CDH12: variants seen among roughly 807,000 people sequenced by gnomAD.
CDH12 encodes the protein cadherin 12, also known as cadherin-12.
CDH12 carries 41 observed loss-of-function variants against 74.1 expected under a neutral mutation model. The observed-to-expected ratio is 0.55, with a 90% CI of 0.43 to 0.72. CDH12 has a LOEUF of 0.72. CDH12 is among the 30% of genes least tolerant of loss of function. The pLI is 0.00. For synonymous variants in CDH12, 399 were observed against 355.0 expected (o/e 1.12, Z -1.39); for missense variants, 945 against 977.2 (o/e 0.97, Z 0.44).
chr5:21,786,311 G>A (rs1340515602), intron 10 of CDH12, among the ~76,000 whole-genome samples: 2 of 151,984 alleles, frequency 1.3e-5, no homozygotes, highest in Non-Finnish European at 2.9e-5. Flanking sequence ...ATGCCACTAC[G>A]CCTGGCTAAT....
chr5:22,216,737 G>A (rs373672084), intron 3 of CDH12, among the ~76,000 whole-genome samples: 2 of 151,812 alleles, frequency 1.3e-5, no homozygotes, highest in Non-Finnish European at 2.9e-5. Flanking sequence ...CCGGTTTCAC[G>A]CACATATACT....
intron 4 of CDH12, among the ~76,000 whole-genome samples, chr5:22,167,207 G>GA (rs1407223734): frequency 3.3e-5 from 5 of 152,148 alleles, no homozygotes; most frequent in Admixed American, 1.3e-4. Context: ...TGTGGTTTGT[G>GA]AAACACTGTG....
Position 22,074,817 on chromosome 5 carries a change from C to A in CDH12, c.231+3629G>T, listed in dbSNP as rs547467881. Reference sequence around the variant, plus strand: ...TTAAAAAGTCAGGAAACAACAGGTGCTAGAGATGATGTGGAGAAATAGGAA... The same window carrying A: ...TTAAAAAGTCAGGAAACAACAGGTGATAGAGATGATGTGGAGAAATAGGAA... On this transcript the variant is annotated intron_variant, in intron 5 of 14. Coordinates refer to ENST00000382254, the MANE Select transcript of CDH12 (RefSeq NM_004061.5). 6.0e-3 allele frequency among the ~76,000 whole-genome samples: 911 copies of A among 152,166 alleles called. 6 individuals are homozygous for A. The highest frequency in any genetic ancestry group is 0.02 in the African/African-American group (846 of 41,522).
rs142785534 is a variant in CDH12, at chr5:21,907,203, G to A, written c.527-52413C>T. On this transcript the variant is annotated intron_variant, in intron 6 of 14. Coordinates refer to ENST00000382254, the MANE Select transcript of CDH12 (RefSeq NM_004061.5). ...CTGCTGCCAATTAGAACATCGTAAC[G>A]GGAAAGAGGGGTTTAAAAAATACGC... is the stretch of plus-strand genomic sequence containing the variant. Among the ~76,000 whole-genome samples the A allele has an allele frequency of 9.4e-3, 1,428 of 152,248 alleles. 15 individuals are homozygous for A. The highest frequency in any genetic ancestry group is 0.015 in the Non-Finnish European group (1,002 of 68,024).
chr5:22,853,127 C>T lies in CDH12; in HGVS notation c.-592G>A, dbSNP rs901606253. On this transcript the variant is annotated 5_prime_UTR_variant, in exon 1 of 15. Transcript: ENST00000382254. Reference sequence around the variant, plus strand: ...CGCAGCAGGGTGCCAACAGCTCAGCCTTGCGCGGAAGGTGAGACCCTTCTC... The same window carrying T: ...CGCAGCAGGGTGCCAACAGCTCAGCTTTGCGCGGAAGGTGAGACCCTTCTC... 2.6e-5 allele frequency: 4 copies of T among 152,354 alleles called. No homozygotes were observed. Among genetic ancestry groups the T allele is most frequent in the Non-Finnish European group, 5.9e-5 (4 of 68,150 alleles). 9.4% of individuals were successfully genotyped at this position (152,354 alleles called of 1,614,324 possible). A position where few individuals can be genotyped will look rare whatever the true frequency, so the allele number is the denominator to read the frequency against.
Position 21,929,426 on chromosome 5 carries a change from G to A in CDH12, c.526+45665C>T, listed in dbSNP as rs147086156. 8.1e-3 allele frequency among the ~76,000 whole-genome samples: 1,232 copies of A among 151,710 alleles called. 17 individuals are homozygous for A. Among genetic ancestry groups the A allele is most frequent in the African/African-American group, 0.028 (1,159 of 41,358 alleles). On this transcript the variant is annotated intron_variant, in intron 6 of 14. Coordinates refer to ENST00000382254, the MANE Select transcript of CDH12 (RefSeq NM_004061.5). ...CAGGCATTAGATTTTCATAAGGAGT[G>A]TACAGCCTAGATCCCTGGCATGCTC...
At chr5:22,774,610 C>A (rs889989629) in intron 1 of CDH12, among the ~76,000 whole-genome samples, 3 of 152,140 alleles carry the variant, frequency 2.0e-5, no homozygotes, top group Admixed American at 1.3e-4. Flanking sequence ...TTCCCCTGAA[C>A]AATCGCTCTC....
chr5:21,910,664 G>C (rs1048101083), intron 6 of CDH12, among the ~76,000 whole-genome samples: 2 of 133,748 alleles, frequency 1.5e-5, no homozygotes, highest in African/African-American at 5.2e-5. Flanking sequence ...CCAAGAGAAA[G>C]GTAGGATTTA....
chr5:22,607,184 T>C (rs549019694), intron 1 of CDH12, among the ~76,000 whole-genome samples: 86 of 152,276 alleles, frequency 5.6e-4, no homozygotes, highest in African/African-American at 2.0e-3. Context: ...ACCTATTTTC[T>C]GGGGAGAAAT....
At chr5:22,275,545 G>A (rs905730453) in intron 3 of CDH12, among the ~76,000 whole-genome samples, 8 of 152,100 alleles carry the variant, frequency 5.3e-5, no homozygotes, top group African/African-American at 1.9e-4. Flanking sequence ...AGTCATGGTA[G>A]TTGAATATTG....
chr5:21,874,498 T>C (rs1407823963), intron 6 of CDH12, among the ~76,000 whole-genome samples: 1 of 152,156 alleles, frequency 6.6e-6, no homozygotes, highest in Non-Finnish European at 1.5e-5. Flanking sequence ...TAGCCAATCA[T>C]CTATCGCCTA....
intron 7 of CDH12, among the ~76,000 whole-genome samples, chr5:21,846,679 A>G (rs1182975153): frequency 6.6e-6 from 1 of 151,798 alleles, no homozygotes; most frequent in Non-Finnish European, 1.5e-5. Flanking sequence ...AATCTATTTC[A>G]TTGATTTCTT....
chr5:21,880,611 CCTTCCTTCTTTCTTTCTTTCTTTCTTTCT>C (rs1752249450), intron 6 of CDH12, among the ~76,000 whole-genome samples: 1 of 79,488 alleles, frequency 1.3e-5, no homozygotes, highest in African/African-American at 4.6e-5. Context: ...TTCCTTCCTT[CCTTCCTTCTTTCTTTCTTTCTTTCTTTCT>C]TTCTTTCTTT....
chr5:22,545,361 T>A (rs1236453125), intron 1 of CDH12, among the ~76,000 whole-genome samples: 8 of 152,214 alleles, frequency 5.3e-5, no homozygotes, highest in Non-Finnish European at 4.4e-5. Flanking sequence ...CAATGGCAAG[T>A]CATGCTTTTG....
chr5:22,567,282 C>T (rs2126760140), intron 1 of CDH12, among the ~76,000 whole-genome samples: 1 of 152,208 alleles, frequency 6.6e-6, no homozygotes, highest in East Asian at 1.9e-4. Context: ...AAAGAGGTAC[C>T]ACTTAATGCA....
chr5:22,570,301 G>C (rs578235391), intron 1 of CDH12, among the ~76,000 whole-genome samples: 1 of 151,796 alleles, frequency 6.6e-6, no homozygotes, highest in Non-Finnish European at 1.5e-5. Flanking sequence ...CTCCTGCCTC[G>C]GCCTCCTGAA....
At chr5:22,189,061 A>G (rs1454925264) in intron 4 of CDH12, among the ~76,000 whole-genome samples, 1 of 152,164 alleles carries the variant, frequency 6.6e-6, no homozygotes, top group Admixed American at 6.5e-5. Context: ...TGTGAAACCA[A>G]TGTGAAAAGC....
intron 4 of CDH12, among the ~76,000 whole-genome samples, chr5:22,197,260 C>T (rs1377460996): frequency 6.6e-6 from 1 of 151,726 alleles, no homozygotes; most frequent in African/African-American, 2.4e-5. Context: ...CTGGCTAACA[C>T]AGTGAAACCC....
intron 1 of CDH12, among the ~76,000 whole-genome samples, chr5:22,508,061 T>G (rs1736457819): frequency 6.6e-6 from 1 of 152,206 alleles, no homozygotes; most frequent in African/African-American, 2.4e-5. Flanking sequence ...CCTATTCAGC[T>G]AATACAGGAT....
Sources: allele counts gnomAD v4.1 joint callset (sites outside exome capture counted in the v4.1 genomes callset), GRCh38; gene constraint gnomAD v4.1.1; transcripts MANE v1.5; gene names NCBI Gene and HGNC (gene_info 2026-07-23, HGNC 2026-07-21).